ARL15: variants seen among roughly 807,000 people sequenced by gnomAD.
The protein encoded by ARL15 is ADP-ribosylation factor-like protein 15.
A neutral mutation model predicts 25.2 loss-of-function variants in ARL15; 19 were observed. The observed-to-expected ratio is 0.75, with a 90% confidence interval of 0.53 to 1.10. ARL15 has a LOEUF of 1.10. ARL15 is among the 50% of genes least tolerant of loss of function. The pLI, the probability that ARL15 is intolerant of heterozygous loss-of-function variation, is 0.00. For synonymous variants in ARL15, 94 were observed against 86.8 expected (o/e 1.08, Z -0.46); for missense variants, 220 against 246.0 (o/e 0.89, Z 0.71).
At chr5:54,275,006 G>C (rs1757889972) in intron 1 of ARL15, among the ~76,000 whole-genome samples, 1 of 152,102 alleles carries the variant, frequency 6.6e-6, no homozygotes, top group Non-Finnish European at 1.5e-5. Context: ...TGTGCCTATG[G>C]GCAAAAATAC....
chr5:54,191,729 T>C (rs1755406586), intron 1 of ARL15, among the ~76,000 whole-genome samples: 1 of 152,108 alleles, frequency 6.6e-6, no homozygotes, highest in African/African-American at 2.4e-5. Flanking sequence ...ACCTCTACCC[T>C]TACCACCCCA....
chr5:53,955,490 AG>A (rs950665686), intron 4 of ARL15, among the ~76,000 whole-genome samples: 1 of 152,208 alleles, frequency 6.6e-6, no homozygotes, highest in Non-Finnish European at 1.5e-5. Flanking sequence ...TACAATTTAA[AG>A]TAGGGCAGGA....
chr5:54,148,120 C>T (rs755702329), intron 3 of ARL15, among the ~76,000 whole-genome samples: 1 of 152,122 alleles, frequency 6.6e-6, no homozygotes, highest in African/African-American at 2.4e-5. Flanking sequence ...TGGTGAAAGA[C>T]ATCAAATGGC....
chr5:54,033,308 G>A (rs751401419), intron 4 of ARL15, among the ~76,000 whole-genome samples: 10 of 151,544 alleles, frequency 6.6e-5, no homozygotes, highest in East Asian at 1.9e-4. Context: ...GCAAGACTCC[G>A]TCTCAAAAAA....
intron 4 of ARL15, among the ~76,000 whole-genome samples, chr5:54,028,995 C>T (rs1226166752): frequency 3.3e-5 from 5 of 151,768 alleles, no homozygotes; most frequent in Admixed American, 2.6e-4. Context: ...CTACATTGCA[C>T]CCAAGCCTGG....
At position 54,181,755 on chromosome 5, in the gene ARL15, G is replaced by C. The variant is rs114552558; in HGVS notation, c.49-9827C>G. The stretch of plus-strand genomic sequence containing the variant: ...TTGAAACCATCCTGATGAACATAGC[G>C]AGACCCCATCTCTTCAAAAGAAAAA... On this transcript the variant is annotated intron_variant, in intron 1 of 4. Coordinates refer to ENST00000504924, the MANE Select transcript of ARL15 (RefSeq NM_019087.3). 3.4e-3 allele frequency among the ~76,000 whole-genome samples: 511 copies of C among 152,216 alleles called. 6 individuals carry two copies. Among genetic ancestry groups the C allele is most frequent in the African/African-American group, 0.012 (481 of 41,538 alleles).
rs1159274939 is a variant in ARL15 at position 53,885,308 on chromosome 5, A to AT, written c.*1252dup. ...CATCTGTGAACCTCAATATGCATAG[A>AT]TTTTTTTCCTGATTTAGAAAAGATC... On this transcript the variant is annotated 3_prime_UTR_variant, in exon 5 of 5. Transcript: ENST00000504924. The AT allele has an allele frequency of 2.0e-5, 3 of 152,650 alleles. No homozygotes were observed. The highest frequency in any genetic ancestry group is 2.1e-4 in the South Asian group (1 of 4,824). The allele number at this position is 152,650 out of a possible 1,614,324, so 9.5% of individuals were successfully genotyped here.
intron 1 of ARL15, among the ~76,000 whole-genome samples, chr5:54,268,819 C>A (rs1212270413): frequency 6.6e-6 from 1 of 152,162 alleles, no homozygotes; most frequent in African/African-American, 2.4e-5. Flanking sequence ...TTGGAACCAA[C>A]CCAAATGTCC....
chr5:54,085,318 A>G (rs928550006), intron 4 of ARL15, among the ~76,000 whole-genome samples: 1 of 152,186 alleles, frequency 6.6e-6, no homozygotes, highest in African/African-American at 2.4e-5. Context: ...TTAGTCCTTT[A>G]TTTTACTCCC....
intron 3 of ARL15, among the ~76,000 whole-genome samples, chr5:54,131,588 A>G (rs1040777443): frequency 6.6e-6 from 1 of 152,178 alleles, no homozygotes; most frequent in Admixed American, 6.5e-5. Context: ...TCTATTTTGT[A>G]CCATTGTTAC....
intron 1 of ARL15, among the ~76,000 whole-genome samples, chr5:54,175,364 C>T (rs1156309040): frequency 6.6e-6 from 1 of 150,944 alleles, no homozygotes; most frequent in African/African-American, 2.4e-5. Flanking sequence ...GACAGAGTTT[C>T]ACTCTTGTTG....
intron 4 of ARL15, among the ~76,000 whole-genome samples, chr5:53,913,676 A>G (rs1678815491): frequency 6.6e-6 from 1 of 152,204 alleles, no homozygotes; most frequent in Admixed American, 6.5e-5. Context: ...GAATTAGAAT[A>G]TTAAAGTGTT....
chr5:54,176,629 G>A (rs998092241), intron 1 of ARL15, among the ~76,000 whole-genome samples: 4 of 152,068 alleles, frequency 2.6e-5, no homozygotes, highest in African/African-American at 9.7e-5. Context: ...GCAAACTCAG[G>A]CCTCATTCCC....
At chr5:53,886,773 C>T in intron 4 of ARL15, 60 bp from the exon 5 acceptor site, 1 of 1,445,604 alleles carries the variant, frequency 6.9e-7, no homozygotes. Flanking sequence ...TTTCTCATAT[C>T]AAAATTCTGA....
rs567314608 is a variant in ARL15, at chr5:53,934,433, G to C, written c.463-47720C>G. On this transcript the variant is annotated intron_variant, in intron 4 of 4. Coordinates refer to ENST00000504924, the MANE Select transcript of ARL15 (RefSeq NM_019087.3). ...CTAGGGAGGACAGCATATAAATTGA[G>C]AAAAAAAAAAATAGAAACCTGGCTA... 1.3e-4 allele frequency among the ~76,000 whole-genome samples: 19 copies of C among 150,968 alleles called. No individual in the cohort carries two copies. In the East Asian group the frequency reaches 2.7e-3, roughly 22 times the overall value.
chr5:54,113,497 A>C, intron 3 of ARL15, 87 bp from the exon 4 acceptor site: 2 of 1,255,660 alleles, frequency 1.6e-6, no homozygotes, highest in Non-Finnish European at 1.1e-6. Context: ...CTGGAAACCA[A>C]TGTACCTTTT....
chr5:53,901,890 T>A (rs373463339), intron 4 of ARL15, among the ~76,000 whole-genome samples: 3 of 152,190 alleles, frequency 2.0e-5, no homozygotes, highest in Non-Finnish European at 2.9e-5. Context: ...CTGAGGACAT[T>A]CCAGTGCTGA....
intron 4 of ARL15, among the ~76,000 whole-genome samples, chr5:54,025,545 G>C (rs1018916372): frequency 3.9e-5 from 6 of 152,148 alleles, no homozygotes; most frequent in Non-Finnish European, 7.4e-5. Flanking sequence ...ATAACGAAAA[G>C]ACATGTGTTT....
intron 1 of ARL15, among the ~76,000 whole-genome samples, chr5:54,257,353 T>C (rs1441116710): frequency 6.6e-6 from 1 of 152,140 alleles, no homozygotes; most frequent in African/African-American, 2.4e-5. Flanking sequence ...AGGAGATATA[T>C]ATATCTCTGT....
Sources: allele counts gnomAD v4.1 joint callset (sites outside exome capture counted in the v4.1 genomes callset), GRCh38; gene constraint gnomAD v4.1.1; transcripts MANE v1.5; gene names NCBI Gene and HGNC (gene_info 2026-07-23, HGNC 2026-07-21).